Variants in SPATA13 observed in about 807,000 individuals in gnomAD.
SPATA13 encodes the protein spermatogenesis-associated protein 13.
Under a neutral mutation model 104.0 loss-of-function variants are expected in SPATA13, and 50 were observed. The ratio of observed to expected loss-of-function variants is 0.48; its 90% CI spans 0.38 to 0.61. The LOEUF is 0.61. Among genes scored for constraint, SPATA13 ranks in the 20% least tolerant of loss-of-function variants. The pLI is 0.00. For synonymous variants in SPATA13, 606 were observed against 667.5 expected (o/e 0.91, Z 1.42); for missense variants, 1,524 against 1,690.6 (o/e 0.90, Z 1.73).
intron 2 of SPATA13, among the ~76,000 whole-genome samples, chr13:24,246,400 GA>G (rs1179667608): frequency 2.0e-5 from 3 of 152,016 alleles, no homozygotes; most frequent in South Asian, 2.1e-4. Context: ...TGTTGGGGAG[GA>G]AAAAAACGTT....
At chr13:24,274,636 G>A (rs1874845499) in intron 4 of SPATA13, among the ~76,000 whole-genome samples, 1 of 152,256 alleles carries the variant, frequency 6.6e-6, no homozygotes, top group Admixed American at 6.5e-5. Context: ...CTGTGAACAC[G>A]AGCTGCCCGC....
At chr13:24,110,210 G>A (rs1261682842) in intron 3 of SPATA13, among the ~76,000 whole-genome samples, 1 of 151,778 alleles carries the variant, frequency 6.6e-6, no homozygotes, top group Non-Finnish European at 1.5e-5. Flanking sequence ...ATGCAGCTGT[G>A]TTCTGCTCGC....
intron 3 of SPATA13, among the ~76,000 whole-genome samples, chr13:24,082,826 C>A (rs1235796867): frequency 1.7e-3 from 84 of 50,050 alleles, no homozygotes; most frequent in East Asian, 5.6e-3. Context: ...GACTCCGTCT[C>A]AAAAAAAAAA....
At chr13:24,122,152 C>A in intron 3 of SPATA13, 1 of 1,609,484 alleles carries the variant, frequency 6.2e-7, no homozygotes, top group Non-Finnish European at 8.5e-7. Flanking sequence ...GCTTCTCAAT[C>A]ATTTTGGATT....
In SPATA13 at chr13:24,286,387, C is replaced by T. The variant is rs756923988; in HGVS notation, c.2475C>T (p.Phe825=). 5 of 1,611,752 alleles carry T rather than the reference C, an allele frequency of 3.1e-6. No homozygotes were observed. Among genetic ancestry groups the T allele is most frequent in the South Asian group, 2.2e-5 (2 of 90,928 alleles). The change falls in exon 6 of 13, where the codon TTC becomes TTT. Residue 825 remains phenylalanine, a synonymous_variant. Coordinates refer to ENST00000382108, the MANE Select transcript of SPATA13 (RefSeq NM_001166271.3). This position sits in a 1 kb window ranked among gnomAD's most constrained non-coding sequence, Gnocchi z 4.9. The part of the protein sequence containing the change: ...EDKEAWFPAS[F]VRLRVNQEEL... ...AGGAAGCCTGGTTCCCCGCGAGCTTCGTCAGAGTAAGTGTGGGGTGCTTGC... is the reference window on the plus strand; with the variant it reads ...AGGAAGCCTGGTTCCCCGCGAGCTTTGTCAGAGTAAGTGTGGGGTGCTTGC...
At chr13:24,273,235 C>G (rs1874747383) in intron 4 of SPATA13, 1 of 152,720 alleles carries the variant, frequency 6.5e-6, no homozygotes, top group African/African-American at 2.4e-5. Flanking sequence ...GTTTTGAGAG[C>G]AGGAGGGAGT....
chr13:24,302,961 A>G lies in SPATA13; in HGVS notation c.*188A>G, dbSNP rs1466552100. Reference sequence around the variant, plus strand: ...AGACCCAGCTGCCTTTGTGGAAGGGAGGAGACGGTCATGACACAAAGCTTT... The same window carrying G: ...AGACCCAGCTGCCTTTGTGGAAGGGGGGAGACGGTCATGACACAAAGCTTT... On this transcript the variant is annotated 3_prime_UTR_variant, in exon 13 of 13. Coordinates refer to ENST00000382108, the MANE Select transcript of SPATA13 (RefSeq NM_001166271.3). The G allele has an allele frequency of 7.2e-6, 5 of 698,656 alleles. No individual in the cohort carries two copies. The highest frequency in any genetic ancestry group is 1.2e-5 in the Non-Finnish European group (5 of 417,896). The allele number at this position is 698,656 out of a possible 1,614,324, so 43.3% of individuals were successfully genotyped here.
At chr13:24,279,683 A>G (rs1228912790) in intron 4 of SPATA13, among the ~76,000 whole-genome samples, 1 of 152,246 alleles carries the variant, frequency 6.6e-6, no homozygotes, top group Admixed American at 6.5e-5. Context: ...GATAAAACAT[A>G]CAGGCTAATG....
rs187304566 is a variant in SPATA13 at position 24,286,539 on chromosome 13, C to T, written c.2481+146C>T. On this transcript the variant is annotated intron_variant, in intron 6 of 12. Coordinates refer to ENST00000382108, the MANE Select transcript of SPATA13 (RefSeq NM_001166271.3). The surrounding 1 kb of genome is among the most constrained non-coding windows in gnomAD (Gnocchi z 4.9). ...ACACCTGTAAGAAATTAGGCTGGGT[C>T]GGAGCAAAAATGTTAAAGGCAGGCA... The T allele has an allele frequency of 5.8e-4, 594 of 1,019,002 alleles. 1 individual carries two copies. The African/African-American group carries it at 7.6e-3, about 13-fold the overall frequency. The allele number at this position is 1,019,002 out of a possible 1,614,324, so 63.1% of individuals were successfully genotyped here.
intron 1 of SPATA13, among the ~76,000 whole-genome samples, chr13:24,215,843 C>T (rs1180108208): frequency 6.6e-6 from 1 of 152,122 alleles, no homozygotes; most frequent in Non-Finnish European, 1.5e-5. Context: ...TTAGGGCCAT[C>T]CATCTGGAAA....
chr13:24,171,114 C>A (rs1482409348), intron 1 of SPATA13, among the ~76,000 whole-genome samples: 1 of 151,982 alleles, frequency 6.6e-6, no homozygotes, highest in African/African-American at 2.4e-5. Flanking sequence ...TACATTTTCC[C>A]ATTCGAAGGA....
In SPATA13 at chr13:24,082,543, G is replaced by A. The variant is rs961561812; in HGVS notation, c.-112+64842G>A. Among the ~76,000 whole-genome samples, 51 of 152,172 alleles carry A rather than the reference G, an allele frequency of 3.4e-4. 2 individuals are homozygous for A. Among genetic ancestry groups the A allele is most frequent in the Middle Eastern group, 3.4e-3 (1 of 294 alleles). ...CAAAATAAAAATAAGATCTTTGGCC[G>A]GGCGCGGTGGCTCACGCCTGTAATC... On this transcript the variant is annotated intron_variant, in intron 3 of 14. Coordinates refer to the SPATA13 transcript ENST00000424834.
intron 3 of SPATA13, among the ~76,000 whole-genome samples, chr13:24,059,786 C>A (rs543910220): frequency 4.6e-5 from 7 of 152,240 alleles, no homozygotes; most frequent in African/African-American, 1.7e-4. Flanking sequence ...ATCATGTCGT[C>A]TGCATACAGA....
intron 3 of SPATA13, among the ~76,000 whole-genome samples, chr13:24,070,263 C>T (rs1387576768): frequency 2.0e-5 from 3 of 152,204 alleles, no homozygotes; most frequent in Non-Finnish European, 4.4e-5. Context: ...GCTTGGGCAA[C>T]AGAAATGTCC....
intron 1 of SPATA13, among the ~76,000 whole-genome samples, chr13:24,170,313 A>G (rs954689486): frequency 6.6e-6 from 1 of 152,208 alleles, no homozygotes; most frequent in African/African-American, 2.4e-5. Context: ...ATAGTGGCTT[A>G]TTCAGTTTCA....
Position 24,273,313 on chromosome 13 carries a change from A to G in SPATA13, c.2165-10822A>G, listed in dbSNP as rs370212716. Among the ~76,000 whole-genome samples, 19 of 152,264 alleles carry G rather than the reference A, an allele frequency of 1.2e-4. No individual in the cohort carries two copies. In the South Asian group the frequency reaches 3.9e-3, roughly 32 times the overall value. On this transcript the variant is annotated intron_variant, in intron 4 of 12. Coordinates refer to ENST00000382108, the MANE Select transcript of SPATA13 (RefSeq NM_001166271.3). ...TTGGCTGCCCAGGGTGCAGGGCCCT[A>G]AGTTGAATACTGATGTGAAGCTATA...
At chr13:24,119,090 G>A (rs1338732467) in intron 3 of SPATA13, among the ~76,000 whole-genome samples, 1 of 151,932 alleles carries the variant, frequency 6.6e-6, no homozygotes, top group Non-Finnish European at 1.5e-5. Flanking sequence ...TGTATTTTTA[G>A]TAGAGACAAG....
chr13:24,103,636 A>G (rs1880338795), intron 3 of SPATA13, among the ~76,000 whole-genome samples: 2 of 152,332 alleles, frequency 1.3e-5, no homozygotes, highest in East Asian at 3.9e-4. Context: ...AACTGTCTAT[A>G]TATAATTACA....
At chr13:24,254,019 G>A (rs1282659018) in intron 4 of SPATA13, among the ~76,000 whole-genome samples, 1 of 152,042 alleles carries the variant, frequency 6.6e-6, no homozygotes, top group Non-Finnish European at 1.5e-5. Context: ...AGAGAGGGAG[G>A]GCAGTTTGTG....
Sources: allele counts gnomAD v4.1 joint callset (sites outside exome capture counted in the v4.1 genomes callset), GRCh38; gene constraint gnomAD v4.1.1; non-coding constraint Gnocchi (gnomAD v3.1); transcripts MANE v1.5; gene names NCBI Gene and HGNC (gene_info 2026-07-23, HGNC 2026-07-21).